Variants in TYW3 observed in about 807,000 individuals in gnomAD.
The protein encoded by TYW3 is tRNA wybutosine-synthesizing protein 3 homolog.
In TYW3, 26 loss-of-function variants were observed where a neutral mutation model predicts 23.1. The observed-to-expected ratio is 1.13, with a 90% confidence interval of 0.83 to 1.56. The LOEUF (loss-of-function observed/expected upper bound fraction) is 1.56, where lower values mean the gene tolerates loss of function less well. TYW3 is among the 40% of genes most tolerant of loss of function. TYW3 has a pLI of 0.00. For synonymous variants in TYW3, 102 were observed against 105.7 expected (o/e 0.97, Z 0.21); for missense variants, 316 against 311.9 (o/e 1.01, Z -0.10).
chr1:74,748,451 G>A (rs940810443), intron 3 of TYW3, among the ~76,000 whole-genome samples: 11 of 152,252 alleles, frequency 7.2e-5, no homozygotes, highest in African/African-American at 2.4e-4. Flanking sequence ...AAGAATGATT[G>A]TTTTTTGGTT....
At chr1:74,747,509 CGCCT>C (rs1648606402) in intron 3 of TYW3, among the ~76,000 whole-genome samples, 1 of 149,056 alleles carries the variant, frequency 6.7e-6, no homozygotes, top group African/African-American at 2.5e-5. Flanking sequence ...TAGTGGCGGG[CGCCT>C]GTAGTCCCAG....
chr1:74,756,726 T>A (rs1168733326), intron 5 of TYW3, among the ~76,000 whole-genome samples: 2 of 152,186 alleles, frequency 1.3e-5, no homozygotes, highest in African/African-American at 4.8e-5. Flanking sequence ...GCATAAGTAA[T>A]GAGGAGCTGA....
rs761603076 is a variant in TYW3, at chr1:74,752,299, G to A, written c.434G>A (p.Arg145Gln). The change falls in exon 5 of 6, where the codon CGG (arginine) becomes CAG (glutamine). Residue 145 changes from arginine to glutamine, a missense_variant. Physicochemically the swap from Arg to Gln is conservative, Grantham distance 43. Transcript: ENST00000370867. ...GKRGKTMLAV[R>Q]STHGLEVPLS... The stretch of plus-strand genomic sequence containing the variant: ...ATTGTTTTTTCCTTGTAGGCTGTCC[G>A]GAGTACACATGGCTTAGAAGTTCCA... The A allele has an allele frequency of 6.2e-6, 10 of 1,605,962 alleles. No homozygotes were observed. Among genetic ancestry groups the A allele is most frequent in the African/African-American group, 2.7e-5 (2 of 74,676 alleles).
chr1:74,751,402 G>C (rs1648781726), intron 4 of TYW3: 1 of 152,196 alleles, frequency 6.6e-6, no homozygotes, highest in South Asian at 2.1e-4. Context: ...GGCCAGGCGT[G>C]GTGGCTTATG....
In TYW3 at chr1:74,764,304, G is replaced by T; in HGVS notation, c.*191G>T. On this transcript the variant is annotated 3_prime_UTR_variant, in exon 6 of 6. Transcript: ENST00000370867. ...TCATCTAAGCTCTCAGCAGTACCCG[G>T]CTTATCCTACGACTTCACCTGAAAT... The T allele has an allele frequency of 2.0e-6, 1 of 492,022 alleles. No individual in the cohort carries two copies. Among genetic ancestry groups the T allele is most frequent in the South Asian group, 3.7e-5 (1 of 27,330 alleles). The allele number at this position is 492,022 out of a possible 1,614,324, so 30.5% of individuals were successfully genotyped here.
intron 5 of TYW3, among the ~76,000 whole-genome samples, chr1:74,759,224 TGAATGA>T (rs147337357): frequency 0.016 from 2,423 of 152,226 alleles, 29 homozygotes; most frequent in East Asian, 0.049. Flanking sequence ...AGTAACAAGA[TGAATGA>T]GAATGAGACT....
At chr1:74,740,119 G>A (rs1050046664) in intron 3 of TYW3, among the ~76,000 whole-genome samples, 1 of 152,220 alleles carries the variant, frequency 6.6e-6, no homozygotes, top group Non-Finnish European at 1.5e-5. Context: ...GAGTGTGACA[G>A]TTCTTAAAGA....
chr1:74,755,774 C>T (rs551007979), intron 5 of TYW3, among the ~76,000 whole-genome samples: 10 of 152,186 alleles, frequency 6.6e-5, no homozygotes, highest in African/African-American at 2.4e-4. Context: ...ATATGAAGAG[C>T]TCTGTGGGAG....
chr1:74,748,707 G>A (rs756986719), intron 3 of TYW3, 44 bp from the exon 4 acceptor site: 6 of 1,562,800 alleles, frequency 3.8e-6, no homozygotes, highest in South Asian at 2.2e-5. Context: ...AGATGATCTG[G>A]TTACCCACAG....
At chr1:74,734,546 C>T (rs1036152035) in intron 1 of TYW3, among the ~76,000 whole-genome samples, 3 of 152,058 alleles carry the variant, frequency 2.0e-5, no homozygotes, top group Non-Finnish European at 4.4e-5. Context: ...CTAAGATCTA[C>T]GGAAAGAATG....
In TYW3 at chr1:74,733,208, A is replaced by G. The variant is rs376744484; in HGVS notation, c.-37A>G. On this transcript the variant is annotated 5_prime_UTR_variant, in exon 1 of 6. An upstream start codon of the reference 5' UTR is lost. Coordinates refer to ENST00000370867, the MANE Select transcript of TYW3 (RefSeq NM_138467.3). ...GCCCCCAGGGAGAGACGAGGCTACC[A>G]TGAAGGAGCCGAGCGCAGACCCTGA... The G allele has an allele frequency of 1.6e-4, 262 of 1,608,194 alleles. 2 individuals are homozygous for G. Among genetic ancestry groups the G allele is most frequent in the South Asian group, 1.0e-3 (93 of 90,006 alleles).
At chr1:74,738,999 C>A (rs1479318970) in intron 3 of TYW3, among the ~76,000 whole-genome samples, 1 of 152,026 alleles carries the variant, frequency 6.6e-6, no homozygotes, top group Non-Finnish European at 1.5e-5. Flanking sequence ...CCAGGTTATG[C>A]TTCCTGTTTT....
Position 74,752,375 on chromosome 1 carries a change from G to C in TYW3, c.510G>C (p.Leu170=). The C allele has an allele frequency of 6.2e-7, 1 of 1,613,478 alleles. No homozygotes were observed. The highest frequency in any genetic ancestry group is 1.7e-4 in the Middle Eastern group (1 of 6,058). ...LMVTEEYIDF[L]LNVANQKMEE... is the part of the protein sequence containing the mutation. ...TGACAGAGGAATATATTGACTTCCTGTTAAATGTGGCAAATCAAAAAATGG... is the reference window on the plus strand; with the variant it reads ...TGACAGAGGAATATATTGACTTCCTCTTAAATGTGGCAAATCAAAAAATGG... The change falls in exon 5 of 6, where the codon CTG becomes CTC. Residue 170 remains leucine (L), a synonymous_variant. Transcript: ENST00000370867.
intron 5 of TYW3, among the ~76,000 whole-genome samples, chr1:74,760,972 A>G (rs903042066): frequency 6.6e-6 from 1 of 152,216 alleles, no homozygotes; most frequent in Admixed American, 6.5e-5. Flanking sequence ...AAGTTGTCCT[A>G]TGCTATGATA....
chr1:74,754,358 TATC>T (rs1648884087), intron 5 of TYW3, among the ~76,000 whole-genome samples: 1 of 152,224 alleles, frequency 6.6e-6, no homozygotes, highest in African/African-American at 2.4e-5. Flanking sequence ...GAGCCACGCT[TATC>T]ATATAAAATC....
chr1:74,747,815 A>G (rs1648631356), intron 3 of TYW3, among the ~76,000 whole-genome samples: 1 of 121,724 alleles, frequency 8.2e-6, no homozygotes, highest in Non-Finnish European at 2.1e-5. Context: ...GTGTACACAC[A>G]TATGTATATA....
intron 5 of TYW3, among the ~76,000 whole-genome samples, chr1:74,758,740 C>G (rs1047197800): frequency 1.3e-5 from 2 of 152,148 alleles, no homozygotes; most frequent in African/African-American, 4.8e-5. Context: ...ACAGGTATTT[C>G]TATTACATTG....
intron 3 of TYW3, among the ~76,000 whole-genome samples, chr1:74,739,830 G>A (rs28564701): frequency 6.6e-6 from 1 of 152,048 alleles, no homozygotes; most frequent in African/African-American, 2.4e-5. Context: ...TTGGTGTAAG[G>A]TGATAGCACC....
chr1:74,733,413 G>C lies in TYW3; in HGVS notation c.169G>C (p.Asp57His), dbSNP rs747671529. ...SSCAGRILLL[D>H]RGINGFEVQK... ...CTGCGCTGGCCGCATCCTACTCCTT[G>C]ACCGGGTGAGGCCCCTTTGCGCCTG... Residue 57 changes from aspartate to histidine, a missense_variant, in exon 1 of 6, where the codon GAC (aspartate) becomes CAC (histidine). Asp to His is a moderately conservative substitution (Grantham distance 81). Coordinates refer to ENST00000370867, the MANE Select transcript of TYW3 (RefSeq NM_138467.3). The C allele has an allele frequency of 5.6e-6, 9 of 1,614,152 alleles. No homozygotes were observed. The highest frequency in any genetic ancestry group is 7.6e-6 in the Non-Finnish European group (9 of 1,180,016).
Sources: allele counts gnomAD v4.1 joint callset (sites outside exome capture counted in the v4.1 genomes callset), GRCh38; gene constraint gnomAD v4.1.1; transcripts MANE v1.5; gene names NCBI Gene and HGNC (gene_info 2026-07-23, HGNC 2026-07-21).